ELAVL2: variants seen among roughly 807,000 people sequenced by gnomAD.
ELAVL2 encodes the protein ELAV-like protein 2.
ELAVL2 carries 4 observed loss-of-function variants against 34.6 expected under a neutral mutation model. The ratio of observed to expected loss-of-function variants is 0.12; its 90% confidence interval spans 0.06 to 0.26. The LOEUF is 0.26. Ranked by LOEUF, ELAVL2 falls within the 10% of genes least tolerant of loss-of-function variation. ELAVL2 has a pLI of 1.00. For missense variants in ELAVL2, 432 were observed against 442.8 expected, an observed-to-expected ratio of 0.98 and a Z score of 0.22; for synonymous variants, 193 against 154.8, an observed-to-expected ratio of 1.25 and a Z score of -1.83.
In ELAVL2 at chr9:23,724,019, C is replaced by T. The variant is rs113593254; in HGVS notation, c.333+7003G>A. ...AATTCCAATGGAGGTCTTCATAAAACCTGACATTCTCCATGCTGGTTACAG... is the reference window on the plus strand; with the variant it reads ...AATTCCAATGGAGGTCTTCATAAAATCTGACATTCTCCATGCTGGTTACAG... On this transcript the variant is annotated intron_variant, in intron 3 of 6. Transcript: ENST00000397312. Among the ~76,000 whole-genome samples the T allele has an allele frequency of 1.9e-4, 29 of 152,300 alleles. 2 individuals are homozygous for T. The highest frequency in any genetic ancestry group is 6.7e-4 in the African/African-American group (28 of 41,578).
chr9:23,751,923 C>T (rs868443306), intron 2 of ELAVL2, among the ~76,000 whole-genome samples: 11 of 152,142 alleles, frequency 7.2e-5, no homozygotes, highest in East Asian at 3.9e-4. Context: ...AGTCCTGCCT[C>T]GCACTTTCTA....
chr9:23,772,179 A>AC (rs752126289), intron 1 of ELAVL2, among the ~76,000 whole-genome samples: 1 of 152,046 alleles, frequency 6.6e-6, no homozygotes, highest in Non-Finnish European at 1.5e-5. Context: ...GCTATCAGGA[A>AC]CCCCCTCAGG....
At chr9:23,755,103 C>A (rs1432366942) in intron 2 of ELAVL2, among the ~76,000 whole-genome samples, 2 of 152,154 alleles carry the variant, frequency 1.3e-5, no homozygotes, top group Non-Finnish European at 2.9e-5. Flanking sequence ...CCAACCCTGA[C>A]CACTTTAGTT....
At chr9:23,721,541 G>A (rs920671546) in intron 3 of ELAVL2, among the ~76,000 whole-genome samples, 3 of 152,176 alleles carry the variant, frequency 2.0e-5, no homozygotes, top group Non-Finnish European at 4.4e-5. Context: ...TCCTATTGCA[G>A]CATTCAAAAG....
chr9:23,702,576 G>C (rs886848092), intron 4 of ELAVL2, among the ~76,000 whole-genome samples: 4 of 150,556 alleles, frequency 2.7e-5, no homozygotes, highest in Non-Finnish European at 4.4e-5. Flanking sequence ...ATCATACTTG[G>C]AGGAGCTTAA....
the ELAVL2 span, among the ~76,000 whole-genome samples, chr9:23,847,101 T>C: frequency 1.3e-5 from 2 of 152,136 alleles, no homozygotes; most frequent in Admixed American, 1.3e-4. Context: ...TCATAGCAGG[T>C]AGACAATACA....
At chr9:23,695,845 A>G (rs2034983283) in intron 5 of ELAVL2, among the ~76,000 whole-genome samples, 2 of 152,182 alleles carry the variant, frequency 1.3e-5, no homozygotes, top group Non-Finnish European at 2.9e-5. Context: ...CGTACATGTG[A>G]TTAACTGAAA....
intron 1 of ELAVL2, among the ~76,000 whole-genome samples, chr9:23,773,724 T>G (rs985347198): frequency 3.3e-5 from 5 of 152,122 alleles, no homozygotes; most frequent in Non-Finnish European, 4.4e-5. Flanking sequence ...GCATTAGCCT[T>G]TGAATTATTT....
intron 3 of ELAVL2, among the ~76,000 whole-genome samples, chr9:23,719,579 T>C (rs550118813): frequency 1.3e-5 from 2 of 152,294 alleles, no homozygotes; most frequent in African/African-American, 4.8e-5. Context: ...TCACATAGCT[T>C]TGGGGCAACA....
At chr9:23,798,743 G>A (rs925658217) in intron 1 of ELAVL2, among the ~76,000 whole-genome samples, 4 of 151,988 alleles carry the variant, frequency 2.6e-5, no homozygotes, top group African/African-American at 9.7e-5. Context: ...TATACACCTA[G>A]GTGAACACTT....
At chr9:23,740,647 AG>A (rs1307025052) in intron 2 of ELAVL2, among the ~76,000 whole-genome samples, 1 of 152,194 alleles carries the variant, frequency 6.6e-6, no homozygotes, top group Non-Finnish European at 1.5e-5. Flanking sequence ...TATCTGTGAA[AG>A]AAAAAAAAAA....
At chr9:23,754,584 G>A (rs1440151575) in intron 2 of ELAVL2, among the ~76,000 whole-genome samples, 6 of 151,980 alleles carry the variant, frequency 3.9e-5, no homozygotes, top group Non-Finnish European at 7.4e-5. Flanking sequence ...TCAGCCTTGT[G>A]AGTACCTGGG....
intron 1 of ELAVL2, among the ~76,000 whole-genome samples, chr9:23,820,746 C>T (rs1342382205): frequency 3.3e-5 from 5 of 152,198 alleles, no homozygotes; most frequent in Admixed American, 3.3e-4. Flanking sequence ...CCGTGCACCC[C>T]GGCCGCCGCT....
At chr9:23,743,249 CA>C (rs1390602762) in intron 2 of ELAVL2, among the ~76,000 whole-genome samples, 20 of 152,152 alleles carry the variant, frequency 1.3e-4, no homozygotes, top group Non-Finnish European at 2.4e-4. Context: ...ACTTGCCCAC[CA>C]ATTAACAGAT....
rs2132651897 is a variant in ELAVL2 at position 23,692,650 on chromosome 9, C to G, written c.987G>C (p.Glu329Asp). The G allele has an allele frequency of 1.2e-6, 2 of 1,614,180 alleles. No individual in the cohort carries two copies. Among genetic ancestry groups the G allele is most frequent in the East Asian group, 4.5e-5 (2 of 44,868 alleles). ...FGFVTMTNYD[E>D]AAMAIASLNG... ...TGAGGCTAGCTATCGCCATGGCAGC[C>G]TCATCATAGTTTGTCATAGTCACAA... The change falls in exon 7 of 7, where the codon GAG (glutamate) becomes GAC (aspartate). Residue 329 changes from glutamate to aspartate, a missense_variant. This residue lies in a region of ELAVL2 where 295 missense variants were observed against 306.1 expected (regional missense o/e 0.96). Transcript: ENST00000397312.
At chr9:23,808,707 T>G (rs2062573471) in intron 1 of ELAVL2, among the ~76,000 whole-genome samples, 1 of 152,208 alleles carries the variant, frequency 6.6e-6, no homozygotes, top group African/African-American at 2.4e-5. Context: ...TTTAATAAAC[T>G]GTCATCAAAT....
chr9:23,837,145 T>C, the ELAVL2 span, among the ~76,000 whole-genome samples: 1 of 152,118 alleles, frequency 6.6e-6, no homozygotes. Flanking sequence ...GAGATAGGGC[T>C]CTCAGCATAT....
In ELAVL2 at chr9:23,705,799, G is replaced by A. The variant is rs115022988; in HGVS notation, c.334-728C>T. Among the ~76,000 whole-genome samples, 1,190 of 152,278 alleles carry A rather than the reference G, an allele frequency of 7.8e-3. 16 individuals carry two copies. Among genetic ancestry groups the A allele is most frequent in the African/African-American group, 0.027 (1,141 of 41,552 alleles). On this transcript the variant is annotated intron_variant, in intron 3 of 6. Transcript: ENST00000397312. ...ACCTGCTGCTCACCTCTGGCTGTGTGCACTGGTTCCTAACAGGCCACGGAC... is the reference window on the plus strand; with the variant it reads ...ACCTGCTGCTCACCTCTGGCTGTGTACACTGGTTCCTAACAGGCCACGGAC...
chr9:23,745,097 G>A (rs2050181789), intron 2 of ELAVL2, among the ~76,000 whole-genome samples: 1 of 151,994 alleles, frequency 6.6e-6, no homozygotes, highest in African/African-American at 2.4e-5. Context: ...CCAGCTACTC[G>A]GGAGGCCAAG....
Sources: gnomAD v4.1 joint callset for allele counts (sites outside exome capture counted in the v4.1 genomes callset) on GRCh38, gnomAD v4.1.1 for gene constraint, gnomAD v4.1.1 regional missense constraint, MANE v1.5 for transcripts, NCBI Gene and HGNC (gene_info 2026-07-23, HGNC 2026-07-21) for gene names.